Variants in TENM2 observed in about 807,000 individuals in gnomAD.
The protein encoded by TENM2 is teneurin transmembrane protein 2.
Under a neutral mutation model 245.2 loss-of-function variants are expected in TENM2, and 52 were observed. The ratio of observed to expected loss-of-function variants is 0.21; its 90% CI spans 0.17 to 0.27. The LOEUF is 0.27. Ranked by LOEUF, TENM2 falls within the 10% of genes least tolerant of loss-of-function variation. TENM2 has a pLI of 1.00. For missense variants in TENM2, 3,046 were observed against 3,666.8 expected (o/e 0.83, Z 4.37); for synonymous variants, 1,363 against 1,438.9 (o/e 0.95, Z 1.19).
At chr5:167,723,780 G>A (rs1759802089) in intron 2 of TENM2, among the ~76,000 whole-genome samples, 1 of 152,222 alleles carries the variant, frequency 6.6e-6, no homozygotes. Flanking sequence ...GACCAAGCAT[G>A]TAGTAGGTGC....
chr5:167,925,831 T>C (rs1464564622), intron 3 of TENM2, among the ~76,000 whole-genome samples: 2 of 152,248 alleles, frequency 1.3e-5, no homozygotes, highest in African/African-American at 2.4e-5. Flanking sequence ...AAGGCCATTA[T>C]CCTTGGCAAA....
At chr5:167,184,388 A>T in the TENM2 span, among the ~76,000 whole-genome samples, 3 of 152,226 alleles carry the variant, frequency 2.0e-5, no homozygotes, top group Admixed American at 2.0e-4. Context: ...AAGTTAGGAA[A>T]GTACAAGAAA....
intron 3 of TENM2, among the ~76,000 whole-genome samples, chr5:167,945,803 C>T (rs917506871): frequency 5.9e-5 from 9 of 152,192 alleles, no homozygotes; most frequent in African/African-American, 1.4e-4. Context: ...TCAGGCTGAG[C>T]GGGGTGCTTC....
intron 13 of TENM2, among the ~76,000 whole-genome samples, chr5:168,173,809 C>T (rs1027626402): frequency 3.3e-5 from 5 of 152,246 alleles, no homozygotes; most frequent in Admixed American, 6.5e-5. Context: ...AGACCATGGC[C>T]GCTCACAAGA....
chr5:167,385,854 ATATGTGTGTGTGTGTGTGTG>A (rs1761400034), intron 2 of TENM2, among the ~76,000 whole-genome samples: 1 of 130,100 alleles, frequency 7.7e-6, no homozygotes, highest in Non-Finnish European at 1.6e-5. Context: ...CATTATATAT[ATATGTGTGTGTGTGTGTGTG>A]TGTGTGTGTG....
At chr5:167,452,757 A>G (rs1378223807) in intron 2 of TENM2, among the ~76,000 whole-genome samples, 1 of 151,118 alleles carries the variant, frequency 6.6e-6, no homozygotes, top group Non-Finnish European at 1.5e-5. Context: ...CAGGAAGGGG[A>G]ACATCACACA....
intron 12 of TENM2, chr5:168,139,655 A>G: frequency 2.3e-6 from 1 of 440,040 alleles, no homozygotes; most frequent in Non-Finnish European, 4.6e-6. Context: ...GGGAGGGAAG[A>G]GCCTCTAGAA....
rs774543910 is a variant in TENM2, at chr5:168,234,761, G to A, written c.5520+6631G>A. On this transcript the variant is annotated intron_variant, in intron 25 of 28. Coordinates refer to ENST00000518659, the Ensembl canonical transcript of TENM2. Reference sequence around the variant, plus strand: ...TTTGTAAAGGAAAGCATATAACCACGCTCTAGGATATTTCTTCCTGATTGT... The same window carrying A: ...TTTGTAAAGGAAAGCATATAACCACACTCTAGGATATTTCTTCCTGATTGT... Among the ~76,000 whole-genome samples, 29 of 152,250 alleles carry A rather than the reference G, an allele frequency of 1.9e-4. 1 individual carries two copies. The highest frequency in any genetic ancestry group is 2.8e-4 in the Non-Finnish European group (19 of 68,024).
intron 2 of TENM2, among the ~76,000 whole-genome samples, chr5:167,764,413 T>A (rs1406001727): frequency 6.6e-6 from 1 of 152,180 alleles, no homozygotes; most frequent in Non-Finnish European, 1.5e-5. Flanking sequence ...ATTGACTGGA[T>A]TGTCAGCTCT....
intron 2 of TENM2, among the ~76,000 whole-genome samples, chr5:167,546,822 A>G (rs1250345195): frequency 6.6e-6 from 1 of 152,116 alleles, no homozygotes; most frequent in Non-Finnish European, 1.5e-5. Context: ...GTCAACTTCA[A>G]TGTGCTAATT....
chr5:167,090,061 A>T, the TENM2 span, among the ~76,000 whole-genome samples: 21,385 of 152,112 alleles, frequency 0.14, 2,078 homozygotes, highest in East Asian at 0.37. Context: ...GTTTCAGATA[A>T]ACAGCCTCAA....
intron 2 of TENM2, among the ~76,000 whole-genome samples, chr5:167,692,538 T>A (rs769303895): frequency 6.6e-6 from 1 of 152,226 alleles, no homozygotes; most frequent in Non-Finnish European, 1.5e-5. Context: ...AGAACTTTAT[T>A]ATCAGCATCA....
the TENM2 span, among the ~76,000 whole-genome samples, chr5:167,155,486 C>T: frequency 3.3e-5 from 5 of 152,144 alleles, no homozygotes; most frequent in Admixed American, 3.3e-4. Flanking sequence ...TGCCCCTGAA[C>T]CCTTTTTAGC....
intron 2 of TENM2, among the ~76,000 whole-genome samples, chr5:167,599,850 C>A (rs1561588469): frequency 6.6e-6 from 1 of 151,884 alleles, no homozygotes; most frequent in Non-Finnish European, 1.5e-5. Context: ...CTGAGAATAT[C>A]GTTAAAGGTT....
At chr5:167,652,418 A>T (rs1754535123) in intron 2 of TENM2, among the ~76,000 whole-genome samples, 1 of 152,068 alleles carries the variant, frequency 6.6e-6, no homozygotes, top group Non-Finnish European at 1.5e-5. Flanking sequence ...CTATAACTTC[A>T]GTCTCCTCCT....
At chr5:167,208,750 C>G in the TENM2 span, among the ~76,000 whole-genome samples, 1 of 152,154 alleles carries the variant, frequency 6.6e-6, no homozygotes, top group African/African-American at 2.4e-5. Flanking sequence ...TTTTACTGTG[C>G]TTGGATTTGA....
chr5:167,138,083 A>G, the TENM2 span, among the ~76,000 whole-genome samples: 44 of 152,236 alleles, frequency 2.9e-4, no homozygotes, highest in Non-Finnish European at 5.7e-4. Flanking sequence ...CTTGAAAGGT[A>G]GGCACAGGGA....
At chr5:167,220,409 C>T in the TENM2 span, among the ~76,000 whole-genome samples, 319 of 152,184 alleles carry the variant, frequency 2.1e-3, no homozygotes, top group Non-Finnish European at 3.6e-3. Flanking sequence ...ATACAGTAGA[C>T]GATGTAAAAT....
At chr5:167,436,592 C>A (rs539657149) in intron 2 of TENM2, among the ~76,000 whole-genome samples, 1 of 152,098 alleles carries the variant, frequency 6.6e-6, no homozygotes, top group African/African-American at 2.4e-5. Flanking sequence ...TCCAAGGCAA[C>A]GGGGAAAGTG....
Sources: gnomAD v4.1 joint callset for allele counts (sites outside exome capture counted in the v4.1 genomes callset) on GRCh38, gnomAD v4.1.1 for gene constraint, MANE v1.5 for transcripts, NCBI Gene and HGNC (gene_info 2026-07-23, HGNC 2026-07-21) for gene names.